Variants in DAGLA observed in about 807,000 individuals in gnomAD.
The protein encoded by DAGLA is diacylglycerol lipase alpha.
DAGLA carries 22 observed loss-of-function variants against 102.6 expected under a neutral mutation model. That is an observed-to-expected ratio of 0.21 (90% CI 0.15 to 0.31). The LOEUF is 0.31. Among genes scored for constraint, DAGLA ranks in the 10% least tolerant of loss-of-function variants. The pLI is 1.00. For missense variants in DAGLA, 927 were observed against 1,446.6 expected, an observed-to-expected ratio of 0.64 and a Z score of 5.83; for synonymous variants, 578 against 628.9, an observed-to-expected ratio of 0.92 and a Z score of 1.21.
chr11:61,740,690 CAA>C (rs2135608394), intron 18 of DAGLA, 98 bp downstream of exon 18: 1 of 1,498,218 alleles, frequency 6.7e-7, no homozygotes, highest in African/African-American at 1.4e-5. Context: ...ATTTTACAGA[CAA>C]GGGTGCTGGG....
chr11:61,743,377 A>G (rs908214803), intron 19 of DAGLA, among the ~76,000 whole-genome samples, 155 bp from the exon 20 acceptor site: 13 of 151,986 alleles, frequency 8.6e-5, no homozygotes, highest in African/African-American at 3.1e-4. Flanking sequence ...AAAAAAAAAA[A>G]AAAAGAAAAT....
intron 6 of DAGLA, among the ~76,000 whole-genome samples, chr11:61,727,574 G>A (rs555112484): frequency 3.2e-4 from 49 of 152,334 alleles, no homozygotes; most frequent in African/African-American, 9.9e-4. Context: ...TCAGGCCAAG[G>A]GCCTGGAGAG....
intron 1 of DAGLA, among the ~76,000 whole-genome samples, chr11:61,703,014 C>A (rs2065120768): frequency 6.6e-6 from 1 of 152,194 alleles, no homozygotes; most frequent in Non-Finnish European, 1.5e-5. Context: ...CAGGCATGGC[C>A]AGCAGATGGT....
At position 61,734,836 on chromosome 11, in the gene DAGLA, C is replaced by T. The variant is rs376779399; in HGVS notation, c.975-13C>T. On this transcript the variant is annotated splice_polypyrimidine_tract_variant and intron_variant, in intron 9 of 19. Transcript: ENST00000257215. The surrounding 1 kb of genome is among the most constrained non-coding windows in gnomAD (Gnocchi z 4.2). ...ACTCCCTGGCCCTGAACTCTCTTGT[C>T]ACCCCACCCTAGGTGTTGCCTGTGT... 12 of 1,607,942 alleles carry T rather than the reference C, an allele frequency of 7.5e-6. No individual in the cohort carries two copies. In the African/African-American group the frequency reaches 1.3e-4, roughly 18 times the overall value.
intron 1 of DAGLA, among the ~76,000 whole-genome samples, chr11:61,709,585 C>T (rs1448179519): frequency 3.3e-5 from 5 of 152,152 alleles, no homozygotes; most frequent in Non-Finnish European, 5.9e-5. Flanking sequence ...TCTGGAAACC[C>T]ACTGAAGAGC....
At chr11:61,723,065 T>C in intron 4 of DAGLA, 105 bp downstream of exon 4, 1 of 934,500 alleles carries the variant, frequency 1.1e-6, no homozygotes, top group Non-Finnish European at 1.7e-6. Flanking sequence ...GGGCAGTGCC[T>C]TCTGTGGGGG....
intron 1 of DAGLA, among the ~76,000 whole-genome samples, chr11:61,693,312 T>G (rs1052756413): frequency 6.6e-6 from 1 of 151,742 alleles, no homozygotes; most frequent in Non-Finnish European, 1.5e-5. Flanking sequence ...ATAGAGAACT[T>G]GTATTTTTGT....
Position 61,737,411 on chromosome 11 carries a change from A to G in DAGLA, c.1514+87A>G, listed in dbSNP as rs2065432600. 20 of 1,567,880 alleles carry G rather than the reference A, an allele frequency of 1.3e-5. No homozygotes were observed. The South Asian group carries it at 2.1e-4, about 17-fold the overall frequency. On this transcript the variant is annotated intron_variant, in intron 14 of 19. Coordinates refer to ENST00000257215, the MANE Select transcript of DAGLA (RefSeq NM_006133.3). ...GGCTGGTGCTAGGGGCTGGACTGGG[A>G]GTCTGACTTCTGGTCACATGGAGGT...
rs187441757 is a variant in DAGLA at position 61,716,792 on chromosome 11, T to C, written c.-44-3320T>C. 3.5e-4 allele frequency among the ~76,000 whole-genome samples: 54 copies of C among 152,288 alleles called. No individual in the cohort carries two copies. In the East Asian group the frequency reaches 7.3e-3, roughly 21 times the overall value. The stretch of plus-strand genomic sequence containing the variant: ...AGTTTGCATTTTTAGAAAGAGGAAC[T>C]CCCAGAATGGTTAGTACTTAGTCCA... On this transcript the variant is annotated intron_variant, in intron 1 of 19. Transcript: ENST00000257215.
chr11:61,740,660 C>T, intron 18 of DAGLA, 68 bp downstream of exon 18: 2 of 1,576,698 alleles, frequency 1.3e-6, no homozygotes, highest in South Asian at 2.3e-5. Context: ...ACCCCGTAAG[C>T]ACCATCAGAT....
intron 1 of DAGLA, among the ~76,000 whole-genome samples, chr11:61,705,712 G>A (rs866376016): frequency 6.6e-6 from 1 of 152,328 alleles, no homozygotes; most frequent in South Asian, 2.1e-4. Flanking sequence ...CCAATCCCTG[G>A]CACATAGTAG....
Position 61,744,246 on chromosome 11 carries a change from C to G in DAGLA, c.2886C>G (p.Ala962=), listed in dbSNP as rs780883224. The G allele has an allele frequency of 6.8e-6, 11 of 1,613,070 alleles. No homozygotes were observed. In the South Asian group the frequency reaches 1.2e-4, roughly 18 times the overall value. ...GCCAGCAAGAGATCCTGCTCCGTGC[C>G]CAGTTCGAGCCCAACCTGGTGCCCA... ...SPSQQEILLR[A]QFEPNLVPKP... The change falls in exon 20 of 20, where the codon GCC becomes GCG. Residue 962 remains alanine (A), a synonymous_variant. Coordinates refer to ENST00000257215, the MANE Select transcript of DAGLA (RefSeq NM_006133.3).
intron 1 of DAGLA, among the ~76,000 whole-genome samples, chr11:61,705,587 G>A (rs777113938): frequency 2.6e-5 from 4 of 152,202 alleles, no homozygotes; most frequent in South Asian, 2.1e-4. Flanking sequence ...CCCCGCCTGA[G>A]CACGTGTCAG....
chr11:61,708,659 A>G (rs538737439), intron 1 of DAGLA, among the ~76,000 whole-genome samples: 36 of 152,202 alleles, frequency 2.4e-4, no homozygotes, highest in Non-Finnish European at 2.5e-4. Context: ...CTGGGACTAC[A>G]GGCGTGAGCC....
At chr11:61,698,799 A>G (rs2065087009) in intron 1 of DAGLA, among the ~76,000 whole-genome samples, 1 of 152,168 alleles carries the variant, frequency 6.6e-6, no homozygotes, top group Admixed American at 6.5e-5. Flanking sequence ...CTCCCAGCCC[A>G]GTGGGGAGCC....
rs148779950 is a variant in DAGLA, at chr11:61,686,513, A to G, written c.-45+6009A>G. On this transcript the variant is annotated intron_variant, in intron 1 of 19. Transcript: ENST00000257215. This position sits in a 1 kb window ranked among gnomAD's most constrained non-coding sequence, Gnocchi z 5.2. ...GGAGGTTACTATTCTGGGAAGTTTC[A>G]TCAAAACCTTTTCAGTGTTTGGGAG... 8.3e-3 allele frequency among the ~76,000 whole-genome samples: 1,269 copies of G among 152,304 alleles called. 4 individuals carry two copies. Among genetic ancestry groups the G allele is most frequent in the Middle Eastern group, 0.031 (9 of 294 alleles).
At position 61,720,220 on chromosome 11, in the gene DAGLA, C is replaced by G. The variant is rs778548677; in HGVS notation, c.65C>G (p.Ala22Gly). The G allele has an allele frequency of 6.2e-7, 1 of 1,613,922 alleles. No homozygotes were observed. Among genetic ancestry groups the G allele is most frequent in the Non-Finnish European group, 8.5e-7 (1 of 1,180,018 alleles). ...GGCAGTGATGACCTCGTCCTACCGG[C>G]CATCTTCCTCTTTCTCCTGCATACC... The part of the protein sequence containing the change: ...SVGSDDLVLP[A>G]IFLFLLHTTW... The change falls in exon 2 of 20, where the codon GCC becomes GGC. Residue 22 changes from alanine to glycine, a missense_variant. Transcript: ENST00000257215.
chr11:61,743,673 G>T lies in DAGLA; in HGVS notation c.2313G>T (p.Gln771His). Residue 771 changes from glutamine (Q) to histidine (H), a missense_variant, in exon 20 of 20, where the codon CAG becomes CAT. Gln to His is a conservative substitution (Grantham distance 24). Coordinates refer to ENST00000257215, the MANE Select transcript of DAGLA (RefSeq NM_006133.3). ...STQERLAAELQARRAPLATME... is the reference protein window; with the variant it reads ...STQERLAAELHARRAPLATME... Reference sequence around the variant, plus strand: ...AGGAGCGGCTGGCGGCGGAGCTGCAGGCCCGGCGGGCACCACTGGCCACCA... The same window carrying T: ...AGGAGCGGCTGGCGGCGGAGCTGCATGCCCGGCGGGCACCACTGGCCACCA... The T allele has an allele frequency of 6.2e-7, 1 of 1,600,500 alleles. No homozygotes were observed. The highest frequency in any genetic ancestry group is 1.1e-5 in the South Asian group (1 of 90,606).
intron 1 of DAGLA, among the ~76,000 whole-genome samples, chr11:61,694,949 G>A (rs904366385): frequency 1.3e-5 from 2 of 152,172 alleles, no homozygotes; most frequent in African/African-American, 2.4e-5. Flanking sequence ...CCAAACATGT[G>A]CACGTCTCCC....
Sources: allele counts gnomAD v4.1 joint callset (sites outside exome capture counted in the v4.1 genomes callset), GRCh38; gene constraint gnomAD v4.1.1; non-coding constraint Gnocchi (gnomAD v3.1); transcripts MANE v1.5; gene names NCBI Gene and HGNC (gene_info 2026-07-23, HGNC 2026-07-21).